Variants in EIF4G1 observed in about 807,000 individuals in gnomAD.
EIF4G1 encodes the protein eukaryotic translation initiation factor 4 gamma 1.
EIF4G1 carries 4 observed loss-of-function variants against 187.8 expected under a neutral mutation model. That is an observed-to-expected ratio of 0.02 (90% CI 0.01 to 0.05). EIF4G1 has a LOEUF of 0.05. Among genes scored for constraint, EIF4G1 ranks in the 10% least tolerant of loss-of-function variants. The pLI, the probability that EIF4G1 is intolerant of heterozygous loss-of-function variation, is 1.00. For missense variants in EIF4G1, 1,647 were observed against 2,081.1 expected (o/e 0.79, Z 4.06); for synonymous variants, 844 against 781.4 (o/e 1.08, Z -1.34).
chr3:184,316,736 A>C, intron 4 of EIF4G1: 1 of 1,596,356 alleles, frequency 6.3e-7, no homozygotes, highest in Non-Finnish European at 8.5e-7. Flanking sequence ...CTCTGCAGGT[A>C]ATATCCCTTT....
At chr3:184,328,458 C>T (rs1029108582) in intron 26 of EIF4G1, 173 bp from the exon 27 acceptor site, 15 of 898,536 alleles carry the variant, frequency 1.7e-5, no homozygotes, top group African/African-American at 9.8e-5. Flanking sequence ...GGGGGTTAAG[C>T]GGGGTGAAAA....
intron 4 of EIF4G1, 117 bp downstream of exon 4, chr3:184,316,335 T>G: frequency 7.5e-7 from 1 of 1,329,938 alleles, no homozygotes; most frequent in Non-Finnish European, 1.0e-6. Context: ...TCCTCTGTGT[T>G]CTTTCATGCG....
At chr3:184,329,630 A>G (rs1725641797) in intron 28 of EIF4G1, among the ~76,000 whole-genome samples, 2 of 152,244 alleles carry the variant, frequency 1.3e-5, no homozygotes, top group African/African-American at 4.8e-5. Context: ...TCTGTCTCCA[A>G]AAAAGAAAAA....
In EIF4G1 at chr3:184,325,239, T is replaced by C; in HGVS notation, c.2857-30T>C. ...GCAGTTATAGGTGGGACATGAGAAGTTCCTGGTCTGATGCCTTTCTCCTTC... is the reference window on the plus strand; with the variant it reads ...GCAGTTATAGGTGGGACATGAGAAGCTCCTGGTCTGATGCCTTTCTCCTTC... On this transcript the variant is annotated intron_variant, in intron 18 of 32. Coordinates refer to ENST00000346169, the MANE Select transcript of EIF4G1 (RefSeq NM_198241.3). This position sits in a 1 kb window ranked among gnomAD's most constrained non-coding sequence, Gnocchi z 5.2. 1 of 1,613,034 alleles carries C rather than the reference T, an allele frequency of 6.2e-7. No individual in the cohort carries two copies. Among genetic ancestry groups the C allele is most frequent in the Non-Finnish European group, 8.5e-7 (1 of 1,179,102 alleles).
intron 28 of EIF4G1, 188 bp downstream of exon 28, chr3:184,329,178 C>G: frequency 1.5e-6 from 1 of 667,906 alleles, no homozygotes; most frequent in African/African-American, 1.8e-5. Context: ...TGAGTTCTGG[C>G]CAAGACTGGA....
chr3:184,317,563 C>T (rs750922408), intron 5 of EIF4G1, 66 bp downstream of exon 5: 62 of 1,592,528 alleles, frequency 3.9e-5, no homozygotes, highest in Non-Finnish European at 5.1e-5. Flanking sequence ...CTCACCCTGA[C>T]CCTCCAGTTC....
chr3:184,321,305 A>G lies in EIF4G1; in HGVS notation c.721A>G (p.Ile241Val), dbSNP rs1260838986. The G allele has an allele frequency of 1.9e-6, 3 of 1,614,024 alleles. No homozygotes were observed. The highest frequency in any genetic ancestry group is 2.5e-6 in the Non-Finnish European group (3 of 1,180,026). ...RPDDRSQGAI[I>V]ADRPGLPGPE... ...AGATGACCGGTCACAGGGAGCAATC[A>G]TTGCTGACCGGCCAGGGCTGCCTGG... is the stretch of plus-strand genomic sequence containing the variant. The change falls in exon 10 of 33, where the codon ATT becomes GTT. Residue 241 changes from isoleucine to valine, a missense_variant. Coordinates refer to ENST00000346169, the MANE Select transcript of EIF4G1 (RefSeq NM_198241.3).
chr3:184,320,254 T>C (rs879414040), intron 7 of EIF4G1: 25 of 1,221,754 alleles, frequency 2.0e-5, no homozygotes, highest in Non-Finnish European at 2.4e-5. Flanking sequence ...CTCCACCTAC[T>C]GGATCTGGGC....
chr3:184,323,893 G>C lies in EIF4G1; in HGVS notation c.2388G>C (p.Gly796=). 6.2e-7 allele frequency: 1 copy of C among 1,614,192 alleles called. No individual in the cohort carries two copies. Among genetic ancestry groups the C allele is most frequent in the Non-Finnish European group, 8.5e-7 (1 of 1,180,050 alleles). Residue 796 remains glycine, a synonymous_variant, in exon 16 of 33, where the codon GGG becomes GGC. Coordinates refer to ENST00000346169, the MANE Select transcript of EIF4G1 (RefSeq NM_198241.3). This position sits in a 1 kb window ranked among gnomAD's most constrained non-coding sequence, Gnocchi z 6.9. ...TCGACACCGAGGAACGCCTCAAAGG[G>C]GTCATTGACCTCATTTTTGAGAAGG... The part of the protein sequence containing the change: ...LAIDTEERLK[G]VIDLIFEKAI...
chr3:184,326,394 T>G, intron 21 of EIF4G1, 133 bp from the exon 22 acceptor site: 1 of 860,976 alleles, frequency 1.2e-6, no homozygotes, highest in Non-Finnish European at 1.9e-6. Flanking sequence ...CAATAGAGAC[T>G]GGCCCTTTAT....
chr3:184,316,336 C>G, intron 4 of EIF4G1, 118 bp downstream of exon 4: 1 of 1,319,434 alleles, frequency 7.6e-7, no homozygotes, highest in East Asian at 2.5e-5. Flanking sequence ...CCTCTGTGTT[C>G]TTTCATGCGG....
intron 7 of EIF4G1, 77 bp from the exon 8 acceptor site, chr3:184,320,553 A>G: frequency 1.2e-6 from 2 of 1,611,570 alleles, no homozygotes; most frequent in East Asian, 2.2e-5. Context: ...GAGTTGGCCC[A>G]GAGTCTTAAG....
Position 184,326,933 on chromosome 3 carries a change from T to C in EIF4G1, c.3378T>C (p.Leu1126=). 6.2e-7 allele frequency: 1 copy of C among 1,614,238 alleles called. No homozygotes were observed. Among genetic ancestry groups the C allele is most frequent in the Non-Finnish European group, 8.5e-7 (1 of 1,180,042 alleles). The change falls in exon 23 of 33, where the codon CTT becomes CTC. Residue 1126 remains leucine, a synonymous_variant. Coordinates refer to ENST00000346169, the MANE Select transcript of EIF4G1 (RefSeq NM_198241.3). ...ATSTLNRFSA[L]QQAVPTESTD... Reference sequence around the variant, plus strand: ...GTACTTTGAATCGCTTCTCAGCCCTTCAACAAGCGGTACCCACAGAAAGCA... The same window carrying C: ...GTACTTTGAATCGCTTCTCAGCCCTCCAACAAGCGGTACCCACAGAAAGCA...
In EIF4G1 at chr3:184,327,336, G is replaced by A. The variant is rs1452397259; in HGVS notation, c.3549G>A (p.Lys1183=). Residue 1183 remains lysine, a synonymous_variant, in exon 24 of 33, where the codon AAG becomes AAA. Coordinates refer to ENST00000346169, the MANE Select transcript of EIF4G1 (RefSeq NM_198241.3). ...RLDRARTPAT[K]RSFSKEVEER... ...ATCGTGCGCGGACACCTGCTACCAAGCGGAGCTTCAGCAAGGAAGTGGAGG... is the reference window on the plus strand; with the variant it reads ...ATCGTGCGCGGACACCTGCTACCAAACGGAGCTTCAGCAAGGAAGTGGAGG... The A allele has an allele frequency of 1.9e-6, 3 of 1,613,858 alleles. No individual in the cohort carries two copies. In the Admixed American group the frequency reaches 5.0e-5, roughly 27 times the overall value.
At position 184,320,573 on chromosome 3, in the gene EIF4G1, G is replaced by A. The variant is rs1696096204; in HGVS notation, c.538-57G>A. The A allele has an allele frequency of 8.7e-6, 14 of 1,613,340 alleles. No individual in the cohort carries two copies. The Admixed American group carries it at 1.2e-4, about 13-fold the overall frequency. On this transcript the variant is annotated intron_variant, in intron 7 of 32. Transcript: ENST00000346169. Reference sequence around the variant, plus strand: ...GGCCCAGAGTCTTAAGATTGGGGCAGGGTGGAGAGGTGGGCTCTTCCTGCT... The same window carrying A: ...GGCCCAGAGTCTTAAGATTGGGGCAAGGTGGAGAGGTGGGCTCTTCCTGCT...
At position 184,323,066 on chromosome 3, in the gene EIF4G1, T is replaced by A; in HGVS notation, c.1930-17T>A. Reference sequence around the variant, plus strand: ...GCTCTAGCCTGCTTCTGAGACCTTTTCCTGTCCTCTTTGCAGGCCAATAAA... The same window carrying A: ...GCTCTAGCCTGCTTCTGAGACCTTTACCTGTCCTCTTTGCAGGCCAATAAA... On this transcript the variant is annotated splice_polypyrimidine_tract_variant and intron_variant, in intron 13 of 32. Coordinates refer to ENST00000346169, the MANE Select transcript of EIF4G1 (RefSeq NM_198241.3). The surrounding 1 kb of genome is among the most constrained non-coding windows in gnomAD (Gnocchi z 6.9). 1 of 1,614,204 alleles carries A rather than the reference T, an allele frequency of 6.2e-7. No individual in the cohort carries two copies. Among genetic ancestry groups the A allele is most frequent in the Non-Finnish European group, 8.5e-7 (1 of 1,180,034 alleles).
In EIF4G1 at chr3:184,323,373, C is replaced by A. The variant is rs373462325; in HGVS notation, c.2089-35C>A. On this transcript the variant is annotated intron_variant, in intron 14 of 32. Coordinates refer to ENST00000346169, the MANE Select transcript of EIF4G1 (RefSeq NM_198241.3). This position sits in a 1 kb window ranked among gnomAD's most constrained non-coding sequence, Gnocchi z 6.9. ...TGTCACATATTGTGCTGACTAGTTC[C>A]ATGTCCCCTCTTGTCTTCATCCCTT... The A allele has an allele frequency of 1.2e-6, 2 of 1,613,718 alleles. No individual in the cohort carries two copies. The highest frequency in any genetic ancestry group is 2.7e-5 in the African/African-American group (2 of 74,924).
At position 184,317,417 on chromosome 3, in the gene EIF4G1, C is replaced by T; in HGVS notation, c.244C>T (p.Pro82Ser). 3 of 1,614,114 alleles carry T rather than the reference C, an allele frequency of 1.9e-6. No homozygotes were observed. Among genetic ancestry groups the T allele is most frequent in the East Asian group, 2.2e-5 (1 of 44,876 alleles). ...CCCTGGCCCAGCTGCCCATGTCTAC[C>T]CTGCTGGATCCCAAGTAATGATGAT... is the stretch of plus-strand genomic sequence containing the variant. ...ARPGPAAHVY[P>S]AGSQVMMIPS... Residue 82 changes from proline (P) to serine (S), a missense_variant, in exon 5 of 33, where the codon CCT becomes TCT. By Grantham distance (74) the Pro-to-Ser change is moderately conservative. This residue lies in a region of EIF4G1 where 139 missense variants were observed against 187.3 expected (regional missense o/e 0.74). Transcript: ENST00000346169.
intron 9 of EIF4G1, 96 bp from the exon 10 acceptor site, chr3:184,321,186 T>G: frequency 6.5e-7 from 1 of 1,549,280 alleles, no homozygotes; most frequent in African/African-American, 1.4e-5. Context: ...TGATGCGGGG[T>G]TATTAAGTTG....
Sources: gnomAD v4.1 joint callset for allele counts (sites outside exome capture counted in the v4.1 genomes callset) on GRCh38, gnomAD v4.1.1 for gene constraint, gnomAD v4.1.1 regional missense constraint, Gnocchi (gnomAD v3.1) non-coding constraint, MANE v1.5 for transcripts, NCBI Gene and HGNC (gene_info 2026-07-23, HGNC 2026-07-21) for gene names.